CORIN: variants seen among roughly 807,000 people sequenced by gnomAD.
CORIN encodes atrial natriuretic peptide-converting enzyme.
CORIN carries 117 observed loss-of-function variants against 125.3 expected under a neutral mutation model. That is an observed-to-expected ratio of 0.93 (90% CI 0.80 to 1.09). The LOEUF (loss-of-function observed/expected upper bound fraction) is 1.09. Ranked by LOEUF, CORIN falls within the 50% of genes least tolerant of loss-of-function variation. The pLI is 0.00. For missense variants in CORIN, 1,253 were observed against 1,306.7 expected, an observed-to-expected ratio of 0.96 and a Z score of 0.63; for synonymous variants, 450 against 466.4, an observed-to-expected ratio of 0.96 and a Z score of 0.45.
Position 47,778,597 on chromosome 4 carries a change from A to T in CORIN, c.409+8128T>A, listed in dbSNP as rs535133292. On this transcript the variant is annotated intron_variant, in intron 3 of 21. Coordinates refer to ENST00000273857, the MANE Select transcript of CORIN (RefSeq NM_006587.4). ...ACTTTTCTCTCTCTAGAATTGTGCA[A>T]GTCTTTACTAGAATGCTGACAACCA... Among the ~76,000 whole-genome samples, 5 of 152,332 alleles carry T rather than the reference A, an allele frequency of 3.3e-5. No homozygotes were observed. In the East Asian group the frequency reaches 7.7e-4, roughly 23 times the overall value.
intron 5 of CORIN, among the ~76,000 whole-genome samples, chr4:47,724,837 T>G (rs535022199): frequency 5.3e-4 from 81 of 152,314 alleles, no homozygotes; most frequent in African/African-American, 1.9e-3. Context: ...ATATTCTACC[T>G]TTCTTAAAGT....
chr4:47,708,482 C>T (rs1167580087), intron 5 of CORIN, among the ~76,000 whole-genome samples: 1 of 152,192 alleles, frequency 6.6e-6, no homozygotes, highest in Non-Finnish European at 1.5e-5. Context: ...GAGGAGCACC[C>T]TTATTTCCAT....
intron 10 of CORIN, among the ~76,000 whole-genome samples, chr4:47,666,001 C>T (rs1318718171): frequency 6.6e-6 from 1 of 152,130 alleles, no homozygotes; most frequent in African/African-American, 2.4e-5. Context: ...TCTTTTATAA[C>T]ATGCTCATAA....
intron 10 of CORIN, among the ~76,000 whole-genome samples, chr4:47,666,545 T>A (rs929798418): frequency 6.6e-6 from 1 of 152,216 alleles, no homozygotes; most frequent in Non-Finnish European, 1.5e-5. Flanking sequence ...CATTTGTGTA[T>A]CTCCATTCAT....
intron 5 of CORIN, among the ~76,000 whole-genome samples, chr4:47,709,965 A>T (rs1461728400): frequency 6.6e-6 from 1 of 152,250 alleles, no homozygotes; most frequent in African/African-American, 2.4e-5. Context: ...AAATTTTAGT[A>T]TGTCTAGAGT....
At chr4:47,831,714 T>C (rs1414447488) in intron 1 of CORIN, among the ~76,000 whole-genome samples, 2 of 152,108 alleles carry the variant, frequency 1.3e-5, no homozygotes, top group Non-Finnish European at 2.9e-5. Context: ...GACCTATCTA[T>C]GCATCTGTAA....
rs191848302 is a variant in CORIN at position 47,795,100 on chromosome 4, A to C, written c.209-8175T>G. Among the ~76,000 whole-genome samples, 7 of 152,238 alleles carry C rather than the reference A, an allele frequency of 4.6e-5. No homozygotes were observed. The East Asian group carries it at 1.3e-3, about 29-fold the overall frequency. On this transcript the variant is annotated intron_variant, in intron 2 of 21. Transcript: ENST00000273857. ...CCTTTGTTGAAGATCCAATGACCAT[A>C]TACATGTGGATTTATTTCTGGGCTC... is the stretch of plus-strand genomic sequence containing the variant.
chr4:47,746,920 T>C (rs978758731), intron 4 of CORIN, among the ~76,000 whole-genome samples: 1 of 152,096 alleles, frequency 6.6e-6, no homozygotes, highest in African/African-American at 2.4e-5. Flanking sequence ...AGCCTACAAA[T>C]GTGCATTGAA....
intron 4 of CORIN, among the ~76,000 whole-genome samples, chr4:47,757,905 T>TATATAC (rs1471519610): frequency 2.4e-4 from 34 of 141,682 alleles, no homozygotes; most frequent in African/African-American, 3.2e-4. Context: ...TATATATATA[T>TATATAC]ACACAAATAT....
intron 11 of CORIN, among the ~76,000 whole-genome samples, chr4:47,663,791 C>T (rs1356782965): frequency 6.6e-6 from 1 of 152,128 alleles, no homozygotes; most frequent in Non-Finnish European, 1.5e-5. Flanking sequence ...AGCTTTTTAA[C>T]ATAAAATTGG....
intron 3 of CORIN, among the ~76,000 whole-genome samples, chr4:47,772,164 T>C (rs891584981): frequency 5.9e-5 from 9 of 152,180 alleles, no homozygotes; most frequent in Non-Finnish European, 1.3e-4. Context: ...ACCTTCATAC[T>C]TGGTTTTAAG....
At position 47,653,784 on chromosome 4, in the gene CORIN, G is replaced by GA. The variant is rs61760481; in HGVS notation, c.1736-125dup. On this transcript the variant is annotated intron_variant, in intron 12 of 21. Coordinates refer to ENST00000273857, the MANE Select transcript of CORIN (RefSeq NM_006587.4). ...AGATAAGGGTGGTCTCTTGCAAAAC[G>GA]AAATAGCCATTTTGCTTTGGCATTC... The GA allele has an allele frequency of 1.1e-3, 854 of 751,650 alleles. 6 individuals are homozygous for GA. The African/African-American group carries it at 0.014, about 12-fold the overall frequency. The allele number at this position is 751,650 out of a possible 1,614,324, so 46.6% of individuals were successfully genotyped here. A position where few individuals can be genotyped will look rare whatever the true frequency, so the allele number is the denominator to read the frequency against.
At chr4:47,815,614 GA>G (rs1462777629) in intron 1 of CORIN, among the ~76,000 whole-genome samples, 1 of 151,980 alleles carries the variant, frequency 6.6e-6, no homozygotes, top group African/African-American at 2.4e-5. Context: ...ATCATTTTAT[GA>G]AAGACACAAA....
chr4:47,732,729 T>G (rs1727936118), intron 5 of CORIN, among the ~76,000 whole-genome samples: 1 of 151,954 alleles, frequency 6.6e-6, no homozygotes, highest in Admixed American at 6.6e-5. Flanking sequence ...ACGCCCGGCT[T>G]TTTTATATTT....
At chr4:47,656,693 A>C (rs891329637) in intron 12 of CORIN, among the ~76,000 whole-genome samples, 3 of 152,176 alleles carry the variant, frequency 2.0e-5, no homozygotes, top group African/African-American at 7.2e-5. Flanking sequence ...ATGGGGAAAA[A>C]CTGAAAGCCT....
chr4:47,823,458 T>G (rs982292615), intron 1 of CORIN, among the ~76,000 whole-genome samples: 4 of 152,236 alleles, frequency 2.6e-5, no homozygotes, highest in Admixed American at 6.5e-5. Flanking sequence ...ATGTGCTCAT[T>G]GTTCCTGGGG....
chr4:47,663,833 A>G (rs1357290987), intron 11 of CORIN, among the ~76,000 whole-genome samples: 1 of 152,214 alleles, frequency 6.6e-6, no homozygotes, highest in Non-Finnish European at 1.5e-5. Flanking sequence ...TTTTAAAAGT[A>G]CTTAGCAGAA....
intron 10 of CORIN, among the ~76,000 whole-genome samples, chr4:47,667,522 A>T (rs1427120972): frequency 6.6e-6 from 1 of 152,202 alleles, no homozygotes; most frequent in Non-Finnish European, 1.5e-5. Context: ...TAATTATTTG[A>T]CTAAGAAGTG....
intron 5 of CORIN, among the ~76,000 whole-genome samples, chr4:47,709,873 C>T (rs925817119): frequency 6.6e-6 from 1 of 152,116 alleles, no homozygotes; most frequent in Non-Finnish European, 1.5e-5. Flanking sequence ...TCTTCTTATG[C>T]AACTGTTACT....
Sources: allele counts gnomAD v4.1 joint callset (sites outside exome capture counted in the v4.1 genomes callset), GRCh38; gene constraint gnomAD v4.1.1; transcripts MANE v1.5; gene names NCBI Gene and HGNC (gene_info 2026-07-23, HGNC 2026-07-21).